The following TEX11 variants were observed in gnomAD, a reference collection of about 807,000 sequenced individuals.
The protein encoded by TEX11 is testis-expressed protein 11.
In TEX11, 7 loss-of-function variants were observed where a neutral mutation model predicts 84.4. The ratio of observed to expected loss-of-function variants is 0.08; its 90% CI spans 0.05 to 0.16. The LOEUF is 0.16. Among genes scored for constraint, TEX11 ranks in the 10% least tolerant of loss-of-function variants. TEX11 has a pLI of 1.00. For synonymous variants in TEX11, 264 were observed against 222.8 expected, an observed-to-expected ratio of 1.18 and a Z score of -1.64; for missense variants, 551 against 660.5, an observed-to-expected ratio of 0.83 and a Z score of 1.82.
chrX:70,705,934 T>C (rs1387224930), intron 13 of TEX11, among the ~76,000 whole-genome samples: 1 of 111,390 alleles, frequency 9.0e-6, no homozygotes, highest in African/African-American at 3.3e-5. Flanking sequence ...GAAATACCAT[T>C]TGACCCAGCC....
At chrX:70,542,401 C>T (rs1434045641) in intron 28 of TEX11, among the ~76,000 whole-genome samples, 1 of 111,414 alleles carries the variant, frequency 9.0e-6, no homozygotes, top group Non-Finnish European at 1.9e-5. Context: ...TCCACCCACT[C>T]TATGGTATTT....
At chrX:70,808,534 T>C (rs2091233941) in intron 8 of TEX11, among the ~76,000 whole-genome samples, 1 of 107,493 alleles carries the variant, frequency 9.3e-6, no homozygotes, top group African/African-American at 3.4e-5. Context: ...ATTATATAAA[T>C]AATATACATT....
chrX:70,687,735 A>G (rs949671217), intron 13 of TEX11, among the ~76,000 whole-genome samples: 8 of 111,131 alleles, frequency 7.2e-5, no homozygotes, highest in African/African-American at 2.6e-4. Context: ...AATCCCAGCT[A>G]TTTGGCAGGC....
intron 2 of TEX11, among the ~76,000 whole-genome samples, chrX:70,884,938 T>C (rs2091700389): frequency 9.0e-6 from 1 of 111,012 alleles, no homozygotes; most frequent in Non-Finnish European, 1.9e-5. Context: ...GTGCCCCAAC[T>C]TCTCCAGGGC....
At chrX:70,888,885 G>C (rs2091723556) in intron 2 of TEX11, among the ~76,000 whole-genome samples, 1 of 111,514 alleles carries the variant, frequency 9.0e-6, no homozygotes, top group African/African-American at 3.3e-5. Context: ...TCTGGCAGCA[G>C]ACTTTTCAGT....
At chrX:70,561,449 G>A (rs1244453011) in intron 25 of TEX11, among the ~76,000 whole-genome samples, 15 of 99,103 alleles carry the variant, frequency 1.5e-4, no homozygotes, top group Admixed American at 1.1e-3. Context: ...GTGTGGTGGC[G>A]TGATCTCAGC....
chrX:70,551,941 T>C (rs2088220049), intron 28 of TEX11, among the ~76,000 whole-genome samples, 185 bp downstream of exon 28: 1 of 111,958 alleles, frequency 8.9e-6, no homozygotes, highest in Admixed American at 9.5e-5. Flanking sequence ...TGTTAGAAAA[T>C]GTCTACTTTC....
At chrX:70,811,435 T>C (rs1480378226) in intron 8 of TEX11, among the ~76,000 whole-genome samples, 1 of 112,002 alleles carries the variant, frequency 8.9e-6, no homozygotes, top group Non-Finnish European at 1.9e-5. Flanking sequence ...CTGATGGACA[T>C]TTGGGTTGGT....
At chrX:70,785,058 A>T (rs1029810588) in intron 9 of TEX11, among the ~76,000 whole-genome samples, 1 of 111,958 alleles carries the variant, frequency 8.9e-6, no homozygotes, top group Admixed American at 9.5e-5. Context: ...GAGGCATCAC[A>T]CTACCTGACT....
chrX:70,662,906 T>C (rs1409553374), intron 16 of TEX11, among the ~76,000 whole-genome samples: 1 of 111,732 alleles, frequency 8.9e-6, no homozygotes, highest in Non-Finnish European at 1.9e-5. Context: ...ATGGAAGTCT[T>C]CTATATCTAG....
chrX:70,874,649 G>A lies in TEX11; in HGVS notation c.160-1342C>T, dbSNP rs759761340. ...ACTCCTGACCTCAGGTGATCCGCCC[G>A]CCTCAACCTCCCAAAGTGCTGGGAT... On this transcript the variant is annotated intron_variant, in intron 3 of 29. Transcript: ENST00000374333. Among the ~76,000 whole-genome samples the A allele has an allele frequency of 1.3e-4, 14 of 106,739 alleles. No individual in the cohort carries two copies. In the South Asian group the frequency reaches 4.5e-3, roughly 34 times the overall value. 92.7% of individuals were successfully genotyped at this position (106,739 alleles called of 115,157 possible).
intron 16 of TEX11, among the ~76,000 whole-genome samples, chrX:70,655,020 A>G (rs2089850099): frequency 9.0e-6 from 1 of 110,521 alleles, no homozygotes; most frequent in African/African-American, 3.3e-5. Flanking sequence ...AATACTAGAT[A>G]TAAAGAAGAT....
intron 11 of TEX11, among the ~76,000 whole-genome samples, chrX:70,729,700 G>C (rs969942939): frequency 8.9e-6 from 1 of 111,996 alleles, no homozygotes; most frequent in African/African-American, 3.3e-5. Flanking sequence ...ACCTGAAAGT[G>C]ACAGGGAGAA....
At position 70,668,811 on chromosome X, in the gene TEX11, G is replaced by A. The variant is rs140652628; in HGVS notation, c.1380+1566C>T. Among the ~76,000 whole-genome samples the A allele has an allele frequency of 8.9e-5, 10 of 112,096 alleles. No individual in the cohort carries two copies. In the East Asian group the frequency reaches 2.5e-3, roughly 28 times the overall value. ...TTCCTCTTCTGGTCATTGCTTCCCA[G>A]TTTGGCTCCCTATGCAGGGGATCTG... On this transcript the variant is annotated intron_variant, in intron 16 of 29. Transcript: ENST00000374333.
At chrX:70,854,983 G>A (rs925015383) in intron 5 of TEX11, among the ~76,000 whole-genome samples, 1 of 110,014 alleles carries the variant, frequency 9.1e-6, no homozygotes, top group South Asian at 3.9e-4. Flanking sequence ...GGGGTGCCAA[G>A]GTTGCAGTGA....
At chrX:70,686,672 T>C (rs2090191655) in intron 13 of TEX11, among the ~76,000 whole-genome samples, 1 of 102,045 alleles carries the variant, frequency 9.8e-6, no homozygotes, top group African/African-American at 3.5e-5. Context: ...CTGCACGTTC[T>C]GCACATGTAT....
chrX:70,883,984 G>T, intron 2 of TEX11, among the ~76,000 whole-genome samples: 1 of 111,745 alleles, frequency 8.9e-6, no homozygotes. Context: ...GCAGCTCAAA[G>T]ACCTGCCAAA....
chrX:70,755,534 A>G (rs2090861203), intron 9 of TEX11, among the ~76,000 whole-genome samples: 1 of 112,095 alleles, frequency 8.9e-6, no homozygotes. Flanking sequence ...TCTAGAAAAT[A>G]GCCTCAAAAG....
intron 9 of TEX11, among the ~76,000 whole-genome samples, chrX:70,793,554 G>A (rs5936986): frequency 0.4 from 44,479 of 110,221 alleles, 7,436 homozygotes; most frequent in East Asian, 0.55. Flanking sequence ...TGCTTTTGCC[G>A]GGTGAAATGT....
Sources: gnomAD v4.1 joint callset for allele counts (sites outside exome capture counted in the v4.1 genomes callset) on GRCh38, gnomAD v4.1.1 for gene constraint, MANE v1.5 for transcripts, NCBI Gene and HGNC (gene_info 2026-07-23, HGNC 2026-07-21) for gene names.